The following STX8 variants were observed in gnomAD, a reference collection of about 807,000 sequenced individuals.
STX8 encodes the protein syntaxin-8.
STX8 carries 23 observed loss-of-function variants against 37.5 expected under a neutral mutation model. The ratio of observed to expected loss-of-function variants is 0.61; its 90% confidence interval spans 0.44 to 0.87. STX8 has a LOEUF of 0.87. Among genes scored for constraint, STX8 ranks in the 40% least tolerant of loss-of-function variants. STX8 has a pLI of 0.00. For missense variants in STX8, 313 were observed against 284.7 expected (o/e 1.10, Z -0.71); for synonymous variants, 115 against 99.1 (o/e 1.16, Z -0.95).
At chr17:9,346,132 G>A (rs1464999003) in intron 7 of STX8, among the ~76,000 whole-genome samples, 7 of 152,018 alleles carry the variant, frequency 4.6e-5, no homozygotes, top group Non-Finnish European at 7.4e-5. Context: ...GATTACAGGC[G>A]TGAGCCACCA....
intron 3 of STX8, among the ~76,000 whole-genome samples, chr17:9,548,144 G>A (rs12449350): frequency 0.26 from 39,301 of 150,700 alleles, 5,434 homozygotes; most frequent in African/African-American, 0.36. Flanking sequence ...TCCCTCTGTC[G>A]CCCAGCCTGG....
At position 9,545,267 on chromosome 17, in the gene STX8, C is replaced by G; in HGVS notation, c.228G>C (p.Gly76=). Residue 76 remains glycine (G), a synonymous_variant, in exon 4 of 8, where the codon GGG becomes GGC. Coordinates refer to ENST00000306357, the MANE Select transcript of STX8 (RefSeq NM_004853.3). ...CATCCAAGAGGTTCTGTCTTCGGTC[C>G]CCTTCAAGCTGTGTTCTGCAGATAT... is the stretch of plus-strand genomic sequence containing the variant. ...VSTHQITQLE[G]DRRQNLLDDL... 2 of 1,613,648 alleles carry G rather than the reference C, an allele frequency of 1.2e-6. No individual in the cohort carries two copies. Among genetic ancestry groups the G allele is most frequent in the Non-Finnish European group, 1.7e-6 (2 of 1,179,716 alleles).
intron 7 of STX8, among the ~76,000 whole-genome samples, chr17:9,260,650 AC>A (rs1247097107): frequency 2.1e-3 from 289 of 137,550 alleles, no homozygotes; most frequent in African/African-American, 7.7e-3. Context: ...AAACAAACAA[AC>A]AAACAACTGT....
At chr17:9,518,118 A>T (rs1905209253) in intron 4 of STX8, among the ~76,000 whole-genome samples, 1 of 148,914 alleles carries the variant, frequency 6.7e-6, no homozygotes, top group African/African-American at 2.6e-5. Context: ...TAAATCCTCA[A>T]GCAATGACTT....
chr17:9,333,528 T>A (rs59932053), intron 7 of STX8, among the ~76,000 whole-genome samples: 5 of 151,840 alleles, frequency 3.3e-5, no homozygotes, highest in Non-Finnish European at 7.4e-5. Context: ...GCTGGGACTA[T>A]AGGCGCCCGC....
At chr17:9,328,660 C>T (rs1442091371) in intron 7 of STX8, among the ~76,000 whole-genome samples, 2 of 152,076 alleles carry the variant, frequency 1.3e-5, no homozygotes, top group African/African-American at 4.8e-5. Flanking sequence ...GTAAGGATAT[C>T]CCTAACTGTC....
intron 7 of STX8, among the ~76,000 whole-genome samples, chr17:9,270,960 C>T (rs1310435237): frequency 1.3e-5 from 2 of 152,214 alleles, no homozygotes; most frequent in Non-Finnish European, 2.9e-5. Context: ...TTTCAGACAA[C>T]TGGGCCCATT....
chr17:9,435,389 C>G (rs1042564153), intron 6 of STX8, among the ~76,000 whole-genome samples: 1 of 152,136 alleles, frequency 6.6e-6, no homozygotes, highest in African/African-American at 2.4e-5. Context: ...TAAGAGCATG[C>G]AGAGTGAGAG....
At chr17:9,562,271 T>A (rs1355489346) in intron 2 of STX8, among the ~76,000 whole-genome samples, 1 of 151,808 alleles carries the variant, frequency 6.6e-6, no homozygotes, top group Admixed American at 6.6e-5. Flanking sequence ...CCGGGCATGG[T>A]GGCGGGCGCC....
chr17:9,358,311 G>A (rs1273101903), intron 7 of STX8, among the ~76,000 whole-genome samples: 1 of 152,110 alleles, frequency 6.6e-6, no homozygotes, highest in African/African-American at 2.4e-5. Context: ...GTATGACCAT[G>A]CCACTGCACT....
intron 6 of STX8, among the ~76,000 whole-genome samples, chr17:9,448,685 T>C (rs1363702682): frequency 6.6e-6 from 1 of 152,214 alleles, no homozygotes; most frequent in African/African-American, 2.4e-5. Context: ...CAGGGTTTCA[T>C]TAATTGGTTG....
intron 7 of STX8, among the ~76,000 whole-genome samples, chr17:9,278,385 G>A (rs964428552): frequency 6.6e-6 from 1 of 152,024 alleles, no homozygotes; most frequent in Non-Finnish European, 1.5e-5. Flanking sequence ...GGAGGCGGAG[G>A]TTGCGATGAG....
At chr17:9,300,345 A>AAAAAG (rs1908726875) in intron 7 of STX8, among the ~76,000 whole-genome samples, 1 of 142,278 alleles carries the variant, frequency 7.0e-6, no homozygotes, top group Non-Finnish European at 1.5e-5. Flanking sequence ...AAAAAAAAAA[A>AAAAAG]AAAGAAAGAA....
At chr17:9,522,908 A>G (rs192071000) in intron 4 of STX8, among the ~76,000 whole-genome samples, 98 of 152,254 alleles carry the variant, frequency 6.4e-4, no homozygotes, top group African/African-American at 2.2e-3. Context: ...TTGAATAGCT[A>G]GAAGAGAGGA....
rs558880948 is a variant in STX8, at chr17:9,541,786, C to A, written c.323+3386G>T. Among the ~76,000 whole-genome samples, 238 of 152,284 alleles carry A rather than the reference C, an allele frequency of 1.6e-3. 2 individuals are homozygous for A. The highest frequency in any genetic ancestry group is 5.3e-3 in the African/African-American group (219 of 41,552). Reference sequence around the variant, plus strand: ...TGGGGCATTATAAAGAGCTCCTGAGCAAATGCACATAAAGAGCTTAGCACA... The same window carrying A: ...TGGGGCATTATAAAGAGCTCCTGAGAAAATGCACATAAAGAGCTTAGCACA... On this transcript the variant is annotated intron_variant, in intron 4 of 7. Coordinates refer to ENST00000306357, the MANE Select transcript of STX8 (RefSeq NM_004853.3).
chr17:9,477,242 A>G (rs922037396), intron 6 of STX8, among the ~76,000 whole-genome samples: 1 of 152,234 alleles, frequency 6.6e-6, no homozygotes, highest in Non-Finnish European at 1.5e-5. Context: ...TTATCTCTGA[A>G]GACCCTATCT....
intron 7 of STX8, among the ~76,000 whole-genome samples, chr17:9,326,036 C>T (rs1909740889): frequency 6.6e-6 from 1 of 152,130 alleles, no homozygotes; most frequent in Non-Finnish European, 1.5e-5. Context: ...GGTCGGGAGG[C>T]ATCCAGCAGT....
chr17:9,560,868 C>T (rs376242054), intron 2 of STX8, among the ~76,000 whole-genome samples: 2 of 151,586 alleles, frequency 1.3e-5, no homozygotes, highest in South Asian at 2.1e-4. Context: ...AAAGTGATTA[C>T]AAAAAACTAC....
At chr17:9,419,852 A>T (rs1367438944) in intron 6 of STX8, among the ~76,000 whole-genome samples, 1 of 152,242 alleles carries the variant, frequency 6.6e-6, no homozygotes, top group Non-Finnish European at 1.5e-5. Context: ...CATAAGATTC[A>T]CGGAAACTTC....
Sources: allele counts gnomAD v4.1 joint callset (sites outside exome capture counted in the v4.1 genomes callset), GRCh38; gene constraint gnomAD v4.1.1; transcripts MANE v1.5; gene names NCBI Gene and HGNC (gene_info 2026-07-23, HGNC 2026-07-21).